Variants in FRK observed in about 807,000 individuals in gnomAD.
FRK encodes the protein fyn related Src family tyrosine kinase, also known as tyrosine-protein kinase FRK.
Under a neutral mutation model 56.4 loss-of-function variants are expected in FRK, and 51 were observed. That is an observed-to-expected ratio of 0.90 (90% CI 0.72 to 1.14). FRK has a LOEUF of 1.14. FRK is among the 50% of genes most tolerant of loss of function. The pLI is 0.00. For missense variants in FRK, 570 were observed against 601.4 expected (o/e 0.95, Z 0.55); for synonymous variants, 245 against 217.9 (o/e 1.12, Z -1.10).
At chr6:115,997,436 T>C (rs949322631) in intron 2 of FRK, among the ~76,000 whole-genome samples, 3 of 150,190 alleles carry the variant, frequency 2.0e-5, no homozygotes, top group African/African-American at 7.4e-5. Context: ...CAAGTCTCCC[T>C]GACCAAAAAA....
At chr6:116,044,680 A>G (rs954678180) in intron 1 of FRK, among the ~76,000 whole-genome samples, 5 of 152,212 alleles carry the variant, frequency 3.3e-5, no homozygotes, top group Admixed American at 3.3e-4. Context: ...GCACAAGACA[A>G]GGATGATCTC....
At chr6:116,025,804 T>A (rs553683121) in intron 1 of FRK, among the ~76,000 whole-genome samples, 2 of 152,302 alleles carry the variant, frequency 1.3e-5, no homozygotes, top group East Asian at 3.9e-4. Context: ...TAATAAATAC[T>A]GTTGGGAAAA....
intron 1 of FRK, among the ~76,000 whole-genome samples, chr6:116,025,365 T>A (rs757320221): frequency 2.0e-5 from 3 of 152,194 alleles, no homozygotes; most frequent in African/African-American, 4.8e-5. Flanking sequence ...ATATTCAGAT[T>A]GAAAAGTAAA....
chr6:116,094,847 G>C, the FRK span, among the ~76,000 whole-genome samples: 3 of 152,222 alleles, frequency 2.0e-5, no homozygotes, highest in Non-Finnish European at 4.4e-5. Flanking sequence ...AAGAGAGGAA[G>C]AGATAGACAG....
At chr6:115,970,264 CTG>C (rs1773752634) in intron 2 of FRK, among the ~76,000 whole-genome samples, 1 of 152,130 alleles carries the variant, frequency 6.6e-6, no homozygotes, top group Non-Finnish European at 1.5e-5. Flanking sequence ...CTCTGGAAAA[CTG>C]TTTTTCCTTA....
chr6:116,035,087 G>A (rs1034398867), intron 1 of FRK, among the ~76,000 whole-genome samples: 2 of 151,868 alleles, frequency 1.3e-5, no homozygotes, highest in Non-Finnish European at 2.9e-5. Flanking sequence ...TGTGGTGTGG[G>A]GGATCAGAGA....
intron 5 of FRK, among the ~76,000 whole-genome samples, chr6:115,952,222 C>A (rs1291794259): frequency 1.3e-5 from 2 of 152,076 alleles, no homozygotes; most frequent in Non-Finnish European, 2.9e-5. Context: ...CTTTTGTTGC[C>A]ATTGCTTTTG....
the FRK span, among the ~76,000 whole-genome samples, chr6:116,077,227 T>A: frequency 6.6e-6 from 1 of 152,192 alleles, no homozygotes; most frequent in Non-Finnish European, 1.5e-5. Context: ...TTTACTGAAG[T>A]CACACATCAA....
At chr6:116,089,543 G>T in the FRK span, among the ~76,000 whole-genome samples, 1 of 152,214 alleles carries the variant, frequency 6.6e-6, no homozygotes, top group African/African-American at 2.4e-5. Context: ...GTGTCAGCAG[G>T]CTTGGTTTCT....
the FRK span, among the ~76,000 whole-genome samples, chr6:116,086,400 G>A: frequency 9.9e-5 from 15 of 152,264 alleles, no homozygotes; most frequent in East Asian, 2.9e-3. Context: ...TCTATGTGAT[G>A]TACTATTTAA....
intron 1 of FRK, among the ~76,000 whole-genome samples, chr6:116,054,514 C>A (rs1777312207): frequency 7.1e-6 from 1 of 140,556 alleles, no homozygotes. Context: ...TAATATTATA[C>A]TATATATTAT....
chr6:116,033,335 G>C (rs1387531926), intron 1 of FRK, among the ~76,000 whole-genome samples: 1 of 152,030 alleles, frequency 6.6e-6, no homozygotes, highest in East Asian at 1.9e-4. Context: ...GACCAAAAAA[G>C]ACACTTTCCC....
chr6:115,992,183 A>C (rs939610779), intron 2 of FRK, among the ~76,000 whole-genome samples: 16 of 151,652 alleles, frequency 1.1e-4, no homozygotes, highest in African/African-American at 3.4e-4. Context: ...TTAATAATAA[A>C]CATTGTCTTA....
At chr6:115,944,630 G>A (rs1291946175) in intron 5 of FRK, among the ~76,000 whole-genome samples, 1 of 152,124 alleles carries the variant, frequency 6.6e-6, no homozygotes, top group African/African-American at 2.4e-5. Context: ...TTCCTTGAAT[G>A]AGTATTACAA....
At chr6:116,082,960 G>A in the FRK span, among the ~76,000 whole-genome samples, 1 of 152,198 alleles carries the variant, frequency 6.6e-6, no homozygotes, top group South Asian at 2.1e-4. Flanking sequence ...AGAAGACAAG[G>A]AACCATCAAG....
chr6:116,078,964 T>C, the FRK span, among the ~76,000 whole-genome samples: 1 of 152,214 alleles, frequency 6.6e-6, no homozygotes, highest in Non-Finnish European at 1.5e-5. Context: ...CAAAAGTCCA[T>C]TCCTTTTCAT....
At chr6:116,065,839 T>A (rs1481865019), upstream of FRK, among the ~76,000 whole-genome samples, 2 of 152,246 alleles carry the variant, frequency 1.3e-5, no homozygotes, top group Admixed American at 1.3e-4. Context: ...ATCTAATGAA[T>A]GTCATTCTCC....
At chr6:115,943,544 T>C (rs1428162746) in intron 6 of FRK, among the ~76,000 whole-genome samples, 2 of 150,706 alleles carry the variant, frequency 1.3e-5, no homozygotes, top group Non-Finnish European at 3.0e-5. Flanking sequence ...ACTGATGATA[T>C]TGAAAAGCCA....
At chr6:115,953,187 T>C (rs1298509128) in intron 5 of FRK, among the ~76,000 whole-genome samples, 3 of 117,068 alleles carry the variant, frequency 2.6e-5, no homozygotes, top group African/African-American at 9.7e-5. Context: ...GCCATTTTTT[T>C]TTTTTTTTTT....
Sources: gnomAD v4.1 joint callset for allele counts (sites outside exome capture counted in the v4.1 genomes callset) on GRCh38, gnomAD v4.1.1 for gene constraint, MANE v1.5 for transcripts, NCBI Gene and HGNC (gene_info 2026-07-23, HGNC 2026-07-21) for gene names.